Variants in TBC1D32 observed in about 807,000 individuals in gnomAD.
The protein encoded by TBC1D32 is TBC1 domain family member 32, also known as protein broad-minded.
TBC1D32 carries 151 observed loss-of-function variants against 170.3 expected under a neutral mutation model. The ratio of observed to expected loss-of-function variants is 0.89; its 90% CI spans 0.78 to 1.01. TBC1D32 has a LOEUF of 1.01. TBC1D32 is among the 50% of genes least tolerant of loss of function. The pLI, the probability that TBC1D32 is intolerant of heterozygous loss-of-function variation, is 0.00. For missense variants in TBC1D32, 1,464 were observed against 1,457.1 expected, an observed-to-expected ratio of 1.00 and a Z score of -0.08; for synonymous variants, 498 against 488.0, an observed-to-expected ratio of 1.02 and a Z score of -0.27.
intron 15 of TBC1D32, among the ~76,000 whole-genome samples, chr6:121,269,970 G>A (rs1364860436): frequency 6.6e-6 from 1 of 152,004 alleles, no homozygotes; most frequent in African/African-American, 2.4e-5. Context: ...ACTCAAAACT[G>A]CTCAACTACA....
intron 20 of TBC1D32, among the ~76,000 whole-genome samples, chr6:121,234,307 T>C (rs956858271): frequency 1.3e-5 from 2 of 152,276 alleles, no homozygotes; most frequent in African/African-American, 4.8e-5. Flanking sequence ...TCAAATATGT[T>C]TTCCAAACTT....
At chr6:121,207,880 G>GT (rs1554269284) in intron 21 of TBC1D32, among the ~76,000 whole-genome samples, 2 of 152,190 alleles carry the variant, frequency 1.3e-5, no homozygotes, top group South Asian at 2.1e-4. Context: ...TGACTGACTT[G>GT]TTTTTTTGAA....
intron 22 of TBC1D32, among the ~76,000 whole-genome samples, chr6:121,201,414 G>T (rs1791542419): frequency 6.6e-6 from 1 of 151,386 alleles, no homozygotes; most frequent in African/African-American, 2.5e-5. Flanking sequence ...TTTAACACAG[G>T]TGAGGACAGG....
At chr6:121,157,893 CT>C (rs1190819713) in intron 24 of TBC1D32, among the ~76,000 whole-genome samples, 1 of 152,088 alleles carries the variant, frequency 6.6e-6, no homozygotes, top group Non-Finnish European at 1.5e-5. Context: ...ATGAGGTTCC[CT>C]TTGTAGGTGA....
intron 15 of TBC1D32, among the ~76,000 whole-genome samples, chr6:121,275,962 T>C (rs908613352): frequency 5.3e-5 from 8 of 151,566 alleles, no homozygotes; most frequent in African/African-American, 1.2e-4. Flanking sequence ...GTGTCTCTGC[T>C]AAAAAAATTA....
chr6:121,310,460 GACTA>G (rs1808026455), intron 4 of TBC1D32, among the ~76,000 whole-genome samples: 1 of 151,772 alleles, frequency 6.6e-6, no homozygotes, highest in Non-Finnish European at 1.5e-5. Context: ...CTTAAGAAAT[GACTA>G]ACTACAATGT....
At chr6:121,263,674 A>G (rs1213152232) in intron 15 of TBC1D32, among the ~76,000 whole-genome samples, 1 of 152,228 alleles carries the variant, frequency 6.6e-6, no homozygotes, top group Non-Finnish European at 1.5e-5. Context: ...CACTTACTTT[A>G]AAATCAACCA....
chr6:121,143,650 C>T (rs978274459), intron 24 of TBC1D32, among the ~76,000 whole-genome samples: 1 of 152,136 alleles, frequency 6.6e-6, no homozygotes, highest in African/African-American at 2.4e-5. Flanking sequence ...ACATGTGAAT[C>T]ACAAAACAAG....
intron 21 of TBC1D32, among the ~76,000 whole-genome samples, chr6:121,222,815 G>A (rs1794668356): frequency 6.6e-6 from 1 of 152,142 alleles, no homozygotes; most frequent in Non-Finnish European, 1.5e-5. Flanking sequence ...TGTATATACT[G>A]CCCTCATGGG....
chr6:121,256,665 C>T (rs1799061638), intron 15 of TBC1D32, among the ~76,000 whole-genome samples: 1 of 151,748 alleles, frequency 6.6e-6, no homozygotes, highest in Admixed American at 6.6e-5. Context: ...ATATCAAAGG[C>T]TGAGAAACTT....
chr6:121,093,921 T>C (rs984860494), intron 30 of TBC1D32, among the ~76,000 whole-genome samples: 3 of 152,120 alleles, frequency 2.0e-5, no homozygotes, highest in Non-Finnish European at 4.4e-5. Context: ...GACCACCTAA[T>C]ATGTACAAGG....
chr6:121,264,117 A>C (rs1800133573), intron 15 of TBC1D32, among the ~76,000 whole-genome samples: 3 of 152,118 alleles, frequency 2.0e-5, no homozygotes, highest in Admixed American at 2.0e-4. Flanking sequence ...GGACATGAAA[A>C]CCCTTCAGAA....
chr6:121,160,713 C>T (rs1268385935), intron 23 of TBC1D32, among the ~76,000 whole-genome samples: 2 of 152,178 alleles, frequency 1.3e-5, no homozygotes, highest in African/African-American at 4.8e-5. Context: ...ACAATACCTA[C>T]TCTACTACAC....
chr6:121,270,507 C>A (rs1005661363), intron 15 of TBC1D32, among the ~76,000 whole-genome samples: 1 of 152,094 alleles, frequency 6.6e-6, no homozygotes, highest in Non-Finnish European at 1.5e-5. Flanking sequence ...ACTAGAAAAT[C>A]TAGAAGAAAT....
intron 31 of TBC1D32, among the ~76,000 whole-genome samples, chr6:121,090,217 C>T (rs1776668237): frequency 6.6e-6 from 1 of 152,120 alleles, no homozygotes; most frequent in Non-Finnish European, 1.5e-5. Context: ...CAGGCGTGAG[C>T]CACTGTGCCC....
In TBC1D32 at chr6:121,223,314, A is replaced by G. The variant is rs772639984; in HGVS notation, c.2403T>C (p.Ala801=). The G allele has an allele frequency of 6.3e-7, 1 of 1,598,592 alleles. No individual in the cohort carries two copies. Among genetic ancestry groups the G allele is most frequent in the South Asian group, 1.1e-5 (1 of 87,292 alleles). The change falls in exon 21 of 32, where the codon GCT becomes GCC. Residue 801 remains alanine, a synonymous_variant. Coordinates refer to ENST00000398212, the MANE Select transcript of TBC1D32 (RefSeq NM_152730.6). ...CTTGATTCCTTACAAGCTCATAAAT[A>G]GCAGGATAGGATAACAAGTTCACCA... is the stretch of plus-strand genomic sequence containing the variant. ...LALVNLLSYP[A]IYELVRNQDL...
chr6:121,116,169 AGTTT>A (rs1779657706), intron 26 of TBC1D32, among the ~76,000 whole-genome samples: 1 of 151,400 alleles, frequency 6.6e-6, no homozygotes, highest in Admixed American at 6.6e-5. Flanking sequence ...AATATCATGA[AGTTT>A]TTTTTTTTTT....
At chr6:121,182,497 C>G (rs555029977) in intron 22 of TBC1D32, among the ~76,000 whole-genome samples, 39 of 151,878 alleles carry the variant, frequency 2.6e-4, no homozygotes, top group Non-Finnish European at 5.2e-4. Context: ...ATTTGGTACT[C>G]AATTATGTAA....
At chr6:121,333,135 A>G (rs1259241489) in intron 1 of TBC1D32, among the ~76,000 whole-genome samples, 2 of 152,194 alleles carry the variant, frequency 1.3e-5, no homozygotes, top group Non-Finnish European at 2.9e-5. Context: ...AGGGTACCCA[A>G]GGGTATCCAA....
Sources: gnomAD v4.1 joint callset for allele counts (sites outside exome capture counted in the v4.1 genomes callset) on GRCh38, gnomAD v4.1.1 for gene constraint, MANE v1.5 for transcripts, NCBI Gene and HGNC (gene_info 2026-07-23, HGNC 2026-07-21) for gene names.